The following TPO variants were observed in gnomAD, a reference collection of about 807,000 sequenced individuals.
TPO encodes thyroid peroxidase.
A neutral mutation model predicts 96.9 loss-of-function variants in TPO; 78 were observed. The observed-to-expected ratio is 0.81, with a 90% CI of 0.67 to 0.97. The LOEUF (loss-of-function observed/expected upper bound fraction) is 0.97, where lower values mean the gene tolerates loss of function less well. TPO is among the 50% of genes least tolerant of loss of function. The pLI is 0.00. For missense variants in TPO, 1,252 were observed against 1,274.8 expected, an observed-to-expected ratio of 0.98 and a Z score of 0.27; for synonymous variants, 547 against 538.0, an observed-to-expected ratio of 1.02 and a Z score of -0.23.
At chr2:1,438,510 T>A (rs938943178) in intron 5 of TPO, among the ~76,000 whole-genome samples, 8 of 152,158 alleles carry the variant, frequency 5.3e-5, no homozygotes, top group Non-Finnish European at 1.0e-4. Flanking sequence ...CTGTCAGCCA[T>A]GACCCAGACC....
At chr2:1,508,759 A>G (rs1280535306) in intron 14 of TPO, among the ~76,000 whole-genome samples, 3 of 152,074 alleles carry the variant, frequency 2.0e-5, no homozygotes, top group Non-Finnish European at 4.4e-5. Context: ...TGTTGCGTCT[A>G]TTTGATTCTT....
At chr2:1,444,014 C>T (rs1666494404) in intron 5 of TPO, among the ~76,000 whole-genome samples, 1 of 137,884 alleles carries the variant, frequency 7.3e-6, no homozygotes, top group Non-Finnish European at 1.5e-5. Context: ...CTGCAGGAGG[C>T]ACCATGTTGG....
At chr2:1,514,445 C>A (rs533145943) in intron 14 of TPO, among the ~76,000 whole-genome samples, 2 of 152,370 alleles carry the variant, frequency 1.3e-5, no homozygotes, top group East Asian at 1.9e-4. Flanking sequence ...AATCCCAGTG[C>A]CCTCTGTCTG....
At chr2:1,466,545 A>G (rs964467693) in intron 7 of TPO, among the ~76,000 whole-genome samples, 4 of 152,116 alleles carry the variant, frequency 2.6e-5, no homozygotes, top group South Asian at 2.1e-4. Flanking sequence ...GGTAATTTTT[A>G]TATTACCATT....
At chr2:1,414,357 T>C in intron 1 of TPO, 51 bp from the exon 2 acceptor site, 3 of 1,559,992 alleles carry the variant, frequency 1.9e-6, no homozygotes, top group Non-Finnish European at 8.8e-7. Flanking sequence ...GCGGTTCCCA[T>C]GGCCTTGTCA....
intron 6 of TPO, among the ~76,000 whole-genome samples, chr2:1,454,721 T>C (rs2148586454): frequency 6.6e-6 from 1 of 152,326 alleles, no homozygotes; most frequent in African/African-American, 2.4e-5. Context: ...ACCCACCTTA[T>C]GCTCAACAGT....
chr2:1,481,980 C>T (rs182773731), intron 8 of TPO, among the ~76,000 whole-genome samples: 5 of 152,188 alleles, frequency 3.3e-5, no homozygotes, highest in Admixed American at 1.3e-4. Flanking sequence ...GGCTGTGTCA[C>T]GTCCTTGGGG....
chr2:1,496,156 C>T lies in TPO; in HGVS notation c.2174C>T (p.Thr725Ile). The T allele has an allele frequency of 2.5e-6, 4 of 1,614,138 alleles. No homozygotes were observed. The highest frequency in any genetic ancestry group is 1.7e-6 in the Non-Finnish European group (2 of 1,180,026). Residue 725 changes from threonine (T) to isoleucine (I), a missense_variant, in exon 12 of 17, where the codon ACT becomes ATT. By Grantham distance (89) the Thr-to-Ile change is moderately conservative. Transcript: ENST00000329066. ...GACTTTGAGTCTTGTGACAGCATCACTGGCATGAACCTGGAGGCCTGGAGG... is the reference window on the plus strand; with the variant it reads ...GACTTTGAGTCTTGTGACAGCATCATTGGCATGAACCTGGAGGCCTGGAGG... Reference protein sequence around the residue: ...PEDFESCDSITGMNLEAWRET... With the variant: ...PEDFESCDSIIGMNLEAWRET...
chr2:1,389,615 C>T (rs1430399516), intron 1 of TPO, among the ~76,000 whole-genome samples: 1 of 152,084 alleles, frequency 6.6e-6, no homozygotes, highest in Admixed American at 6.5e-5. Flanking sequence ...ATGATTTGCT[C>T]AGTAGGGCTT....
intron 1 of TPO, among the ~76,000 whole-genome samples, chr2:1,406,567 C>G (rs1662253508): frequency 1.3e-5 from 2 of 152,350 alleles, no homozygotes; most frequent in Admixed American, 1.3e-4. Context: ...CTGAGATGCT[C>G]TTGCTGGCCA....
At chr2:1,540,027 C>T (rs138340600) in intron 15 of TPO, among the ~76,000 whole-genome samples, 3 of 152,312 alleles carry the variant, frequency 2.0e-5, no homozygotes, top group Non-Finnish European at 4.4e-5. Context: ...CTCTTCCCTC[C>T]TCAAAAGGTC....
intron 14 of TPO, among the ~76,000 whole-genome samples, chr2:1,516,427 T>C (rs954600845): frequency 2.0e-5 from 3 of 152,092 alleles, no homozygotes; most frequent in Non-Finnish European, 2.9e-5. Context: ...CTGGGAAAGA[T>C]AAAATGCAGC....
intron 14 of TPO, among the ~76,000 whole-genome samples, chr2:1,515,606 G>A (rs1674610947): frequency 6.6e-6 from 1 of 152,166 alleles, no homozygotes; most frequent in African/African-American, 2.4e-5. Context: ...CTGTGTCTGG[G>A]CTGGGAAAGA....
intron 14 of TPO, among the ~76,000 whole-genome samples, chr2:1,510,955 A>G (rs1481976552): frequency 1.3e-5 from 2 of 152,242 alleles, no homozygotes; most frequent in Non-Finnish European, 2.9e-5. Flanking sequence ...CTCTCCCTAT[A>G]TAAGTTTAGA....
intron 8 of TPO, 56 bp from the exon 9 acceptor site, chr2:1,484,540 G>A: frequency 6.2e-7 from 1 of 1,612,318 alleles, no homozygotes; most frequent in Non-Finnish European, 8.5e-7. Context: ...TGCCGCTCGA[G>A]GCGACCCTCC....
At chr2:1,420,428 T>A (rs1257889128) in intron 2 of TPO, among the ~76,000 whole-genome samples, 1 of 152,208 alleles carries the variant, frequency 6.6e-6, no homozygotes, top group African/African-American at 2.4e-5. Flanking sequence ...AGGATGCATA[T>A]ACACAGGTGG....
At chr2:1,519,517 C>T (rs1306062189) in intron 15 of TPO, among the ~76,000 whole-genome samples, 1 of 152,180 alleles carries the variant, frequency 6.6e-6, no homozygotes, top group Non-Finnish European at 1.5e-5. Flanking sequence ...GTACTTTAAC[C>T]TTTAAATGGT....
At chr2:1,386,808 G>A (rs1432067462) in intron 1 of TPO, among the ~76,000 whole-genome samples, 4 of 152,134 alleles carry the variant, frequency 2.6e-5, no homozygotes, top group Admixed American at 1.3e-4. Context: ...TCCTAGCATC[G>A]ATGGTCTTTA....
chr2:1,477,030 T>A, intron 7 of TPO, 56 bp from the exon 8 acceptor site: 1 of 1,563,472 alleles, frequency 6.4e-7, no homozygotes, highest in Non-Finnish European at 8.6e-7. Flanking sequence ...ACTTCCAGAG[T>A]CTTACAAAGG....
Sources: gnomAD v4.1 joint callset for allele counts (sites outside exome capture counted in the v4.1 genomes callset) on GRCh38, gnomAD v4.1.1 for gene constraint, MANE v1.5 for transcripts, NCBI Gene and HGNC (gene_info 2026-07-23, HGNC 2026-07-21) for gene names.